Variants in PDE8B observed in about 807,000 individuals in gnomAD.
PDE8B encodes high affinity cAMP-specific and IBMX-insensitive 3',5'-cyclic phosphodiesterase 8B.
PDE8B carries 26 observed loss-of-function variants against 101.3 expected under a neutral mutation model. The observed-to-expected ratio is 0.26, with a 90% CI of 0.19 to 0.36. The LOEUF (loss-of-function observed/expected upper bound fraction) is 0.36. PDE8B is among the 10% of genes least tolerant of loss of function. The pLI, the probability that PDE8B is intolerant of heterozygous loss-of-function variation, is 1.00. For synonymous variants in PDE8B, 424 were observed against 429.3 expected (o/e 0.99, Z 0.15); for missense variants, 810 against 1,163.1 (o/e 0.70, Z 4.42).
intron 1 of PDE8B, chr5:77,291,429 G>A: frequency 6.2e-7 from 1 of 1,611,542 alleles, no homozygotes; most frequent in Non-Finnish European, 8.5e-7. Context: ...AATTGTGACA[G>A]GTCTTGCCCA....
chr5:77,335,985 A>G (rs1388760366), intron 5 of PDE8B, among the ~76,000 whole-genome samples: 5 of 152,194 alleles, frequency 3.3e-5, no homozygotes, highest in African/African-American at 1.2e-4. Context: ...CATAGCATAT[A>G]TAAGAAATGT....
chr5:77,253,129 A>G (rs540342521), intron 1 of PDE8B, among the ~76,000 whole-genome samples: 55 of 152,294 alleles, frequency 3.6e-4, no homozygotes, highest in Non-Finnish European at 6.3e-4. Context: ...TTTTAGGGTA[A>G]TATCAGGTGT....
At chr5:77,115,348 A>G in the PDE8B span, 1 of 152,252 alleles carries the variant, frequency 6.6e-6, no homozygotes, top group African/African-American at 2.4e-5. Flanking sequence ...CAATGGATGA[A>G]TAAATGTGTG....
In PDE8B at chr5:77,213,174, T is replaced by C. The variant is rs538744341; in HGVS notation, c.339+1910T>C. 1.6e-4 allele frequency among the ~76,000 whole-genome samples: 24 copies of C among 152,338 alleles called. No individual in the cohort carries two copies. The East Asian group carries it at 3.1e-3, about 20-fold the overall frequency. ...TTGTATAAACTTGTATTAATCTCAT[T>C]GCTACTTGGCTTAAGTATTAAAAGG... On this transcript the variant is annotated intron_variant, in intron 1 of 21. Transcript: ENST00000264917.
chr5:77,245,500 A>C (rs10037599), intron 1 of PDE8B, among the ~76,000 whole-genome samples: 76,115 of 151,990 alleles, frequency 0.5, 20,276 homozygotes, highest in East Asian at 0.82. Context: ...ATCGTACAGA[A>C]GACAAGGCCC....
the PDE8B span, among the ~76,000 whole-genome samples, chr5:77,135,762 AC>A: frequency 4.6e-5 from 7 of 150,984 alleles, no homozygotes; most frequent in East Asian, 1.4e-3. Flanking sequence ...GGCATGAGCC[AC>A]CGTGCCTGGC....
intron 10 of PDE8B, among the ~76,000 whole-genome samples, chr5:77,393,380 G>A (rs971169929): frequency 2.9e-5 from 4 of 138,440 alleles, no homozygotes; most frequent in Non-Finnish European, 4.6e-5. Context: ...GGACGACAGA[G>A]TGAGACTGTC....
chr5:77,101,117 G>A, the PDE8B span, among the ~76,000 whole-genome samples: 1 of 148,974 alleles, frequency 6.7e-6, no homozygotes. Context: ...CCACAGGCAC[G>A]CATCACCACG....
intron 1 of PDE8B, among the ~76,000 whole-genome samples, chr5:77,246,038 G>A (rs1237109988): frequency 6.6e-6 from 1 of 151,922 alleles, no homozygotes; most frequent in African/African-American, 2.4e-5. Context: ...TTTTTGTAGA[G>A]ATGGGTTCTT....
intron 2 of PDE8B, among the ~76,000 whole-genome samples, chr5:77,318,498 C>G (rs543604235): frequency 5.5e-4 from 84 of 152,202 alleles, no homozygotes; most frequent in Non-Finnish European, 1.1e-3. Context: ...AGTTTTTTAA[C>G]CATCTAAGCC....
At chr5:77,375,569 G>A (rs780120761) in intron 10 of PDE8B, among the ~76,000 whole-genome samples, 6 of 152,072 alleles carry the variant, frequency 3.9e-5, no homozygotes, top group Non-Finnish European at 7.4e-5. Context: ...GCTGCCACCT[G>A]TGCCCATCTC....
chr5:77,335,394 A>G (rs1017775478), intron 5 of PDE8B, among the ~76,000 whole-genome samples: 6 of 152,098 alleles, frequency 3.9e-5, no homozygotes, highest in Non-Finnish European at 1.5e-5. Context: ...CCTTATGTGT[A>G]TGTTTATGGC....
chr5:77,353,753 C>T (rs1005619060), intron 10 of PDE8B, among the ~76,000 whole-genome samples: 32 of 152,230 alleles, frequency 2.1e-4, no homozygotes, highest in African/African-American at 7.5e-4. Flanking sequence ...GAGCATTGCA[C>T]CCCTACAAAT....
the PDE8B span, among the ~76,000 whole-genome samples, chr5:77,091,787 C>T: frequency 6.6e-6 from 1 of 152,112 alleles, no homozygotes; most frequent in African/African-American, 2.4e-5. Flanking sequence ...TAAGAAGAAG[C>T]TTTATTGCTT....
rs373238717 is a variant in PDE8B at position 77,413,210 on chromosome 5, C to G, written c.1812C>G (p.Ile604Met). 1.2e-5 allele frequency: 20 copies of G among 1,613,790 alleles called. No individual in the cohort carries two copies. Among genetic ancestry groups the G allele is most frequent in the East Asian group, 4.5e-5 (2 of 44,900 alleles). ...ETTLRAWFQVIEANYHSSNAY... is the reference protein window; with the variant it reads ...ETTLRAWFQVMEANYHSSNAY... Reference sequence around the variant, plus strand: ...CTCTTCGGGCCTGGTTCCAAGTGATCGAAGCCAACTACCACTCTTCCAATG... The same window carrying G: ...CTCTTCGGGCCTGGTTCCAAGTGATGGAAGCCAACTACCACTCTTCCAATG... Residue 604 changes from isoleucine (I) to methionine (M), a missense_variant, in exon 17 of 22, where the codon ATC becomes ATG. Ile to Met is a conservative substitution (Grantham distance 10). This residue lies in a region of PDE8B where 325 missense variants were observed against 560.9 expected (regional missense o/e 0.58). Transcript: ENST00000264917.
At chr5:77,424,238 C>T (rs763069271) in intron 20 of PDE8B, among the ~76,000 whole-genome samples, 10 of 152,140 alleles carry the variant, frequency 6.6e-5, no homozygotes, top group Admixed American at 2.6e-4. Context: ...GAGGACCTGA[C>T]GTACTACTCC....
chr5:77,096,858 G>C, the PDE8B span, among the ~76,000 whole-genome samples: 5 of 152,108 alleles, frequency 3.3e-5, no homozygotes, highest in Non-Finnish European at 7.4e-5. Flanking sequence ...CCTAATGGGT[G>C]TCTTAACATG....
At chr5:77,151,157 A>G in the PDE8B span, 1 of 152,216 alleles carries the variant, frequency 6.6e-6, no homozygotes, top group Non-Finnish European at 1.5e-5. Context: ...GCAAATGGGA[A>G]TGTGCAGATG....
chr5:77,175,447 T>C, the PDE8B span, among the ~76,000 whole-genome samples: 1 of 152,258 alleles, frequency 6.6e-6, no homozygotes, highest in Non-Finnish European at 1.5e-5. Context: ...TCTCCCCAGA[T>C]CTTTGCATTC....
Sources: gnomAD v4.1 joint callset for allele counts (sites outside exome capture counted in the v4.1 genomes callset) on GRCh38, gnomAD v4.1.1 for gene constraint, gnomAD v4.1.1 regional missense constraint, MANE v1.5 for transcripts, NCBI Gene and HGNC (gene_info 2026-07-23, HGNC 2026-07-21) for gene names.